Variants in SLC4A7 observed in about 807,000 individuals in gnomAD.
The protein encoded by SLC4A7 is solute carrier family 4 member 7.
A neutral mutation model predicts 137.6 loss-of-function variants in SLC4A7; 51 were observed. The ratio of observed to expected loss-of-function variants is 0.37; its 90% CI spans 0.30 to 0.47. The LOEUF (loss-of-function observed/expected upper bound fraction) is 0.47, where lower values mean the gene tolerates loss of function less well. SLC4A7 is among the 20% of genes least tolerant of loss of function. SLC4A7 has a pLI of 1.00. For missense variants in SLC4A7, 1,247 were observed against 1,525.4 expected (o/e 0.82, Z 3.04); for synonymous variants, 542 against 518.6 (o/e 1.05, Z -0.61).
At position 27,448,763 on chromosome 3, in the gene SLC4A7, C is replaced by T. The variant is rs1338293715; in HGVS notation, c.177G>A (p.Pro59=). 8 of 1,613,004 alleles carry T rather than the reference C, an allele frequency of 5.0e-6. No individual in the cohort carries two copies. Among genetic ancestry groups the T allele is most frequent in the Middle Eastern group, 1.7e-4 (1 of 6,056 alleles). ...HRAVYIGVHV[P]FSKESRRRHR... Reference sequence around the variant, plus strand: ...GACGCCGACGACTCTCTTTACTAAACGGGACGTGAACACCAATATATACAG... The same window carrying T: ...GACGCCGACGACTCTCTTTACTAAATGGGACGTGAACACCAATATATACAG... The change falls in exon 3 of 26, where the codon CCG becomes CCA. Residue 59 remains proline, a synonymous_variant. Coordinates refer to ENST00000454389, the MANE Select transcript of SLC4A7 (RefSeq NM_001321103.2).
intron 1 of SLC4A7, among the ~76,000 whole-genome samples, chr3:27,482,727 G>C (rs1378194933): frequency 6.6e-6 from 1 of 152,124 alleles, no homozygotes; most frequent in Non-Finnish European, 1.5e-5. Context: ...AGCCGAGATC[G>C]CACCACTGCA....
intron 1 of SLC4A7, among the ~76,000 whole-genome samples, chr3:27,456,484 T>TAC (rs1262427146): frequency 1.3e-5 from 2 of 152,214 alleles, no homozygotes; most frequent in Non-Finnish European, 2.9e-5. Context: ...TTTTTAACTT[T>TAC]ACACAAGGAA....
In SLC4A7 at chr3:27,398,201, A is replaced by G. The variant is rs1268935649; in HGVS notation, c.2580T>C (p.Phe860=). The G allele has an allele frequency of 1.2e-6, 2 of 1,607,240 alleles. No homozygotes were observed. The highest frequency in any genetic ancestry group is 2.7e-5 in the African/African-American group (2 of 74,546). ...FLKQFKTKRY[F]PTKVRSTISD... ...ATTATATCACAGTTACCTTGGTAGG[A>G]AAGTAACGCTTGGTCTTAAATTGCT... Residue 860 remains phenylalanine, a synonymous_variant, in exon 17 of 26, where the codon TTT becomes TTC. Transcript: ENST00000454389.
chr3:27,392,623 C>T (rs934523472), intron 20 of SLC4A7, among the ~76,000 whole-genome samples: 3 of 151,992 alleles, frequency 2.0e-5, no homozygotes, highest in East Asian at 1.9e-4. Context: ...GCCATAAGTT[C>T]GAGACCAACC....
In SLC4A7 at chr3:27,424,258, T is replaced by C. The variant is rs779552453; in HGVS notation, c.1151-106A>G. The C allele has an allele frequency of 7.1e-6, 4 of 565,544 alleles. No homozygotes were observed. In the African/African-American group the frequency reaches 7.7e-5, roughly 11 times the overall value. 35.0% of individuals were successfully genotyped at this position (565,544 alleles called of 1,614,324 possible). A position where few individuals can be genotyped will look rare whatever the true frequency, so the allele number is the denominator to read the frequency against. ...GATTTATGAATATTATAAAAGCAAA[T>C]GTGCAAGGTTAAAAAAAATAAGTGC... On this transcript the variant is annotated intron_variant, in intron 7 of 25. Coordinates refer to ENST00000454389, the MANE Select transcript of SLC4A7 (RefSeq NM_001321103.2).
At chr3:27,425,676 CAAAAAAAAAAAAAAA>C (rs59895795) in intron 7 of SLC4A7, among the ~76,000 whole-genome samples, 52 of 61,494 alleles carry the variant, frequency 8.5e-4, no homozygotes, top group African/African-American at 3.2e-3. Context: ...AACTCTGTCT[CAAAAAAAAAAAAAAA>C]AAAAAAAAAA....
At chr3:27,386,208 A>T (rs1306334256) in intron 22 of SLC4A7, among the ~76,000 whole-genome samples, 185 bp from the exon 23 acceptor site, 1 of 151,562 alleles carries the variant, frequency 6.6e-6, no homozygotes, top group African/African-American at 2.4e-5. Flanking sequence ...TGCTAAAAAA[A>T]AAAAAAAAAC....
Position 27,436,374 on chromosome 3 carries a change from C to T in SLC4A7, c.589+14G>A. The T allele has an allele frequency of 6.3e-7, 1 of 1,592,756 alleles. No individual in the cohort carries two copies. The highest frequency in any genetic ancestry group is 8.6e-7 in the Non-Finnish European group (1 of 1,167,374). ...TACACCTTACATATTTTTTAAAAGT[C>T]AGTTTACTATAACCTGCTATTTCAT... On this transcript the variant is annotated intron_variant, in intron 5 of 25. Coordinates refer to ENST00000454389, the MANE Select transcript of SLC4A7 (RefSeq NM_001321103.2).
intron 1 of SLC4A7, among the ~76,000 whole-genome samples, chr3:27,471,637 G>A (rs2059251048): frequency 6.6e-6 from 1 of 152,164 alleles, no homozygotes; most frequent in African/African-American, 2.4e-5. Context: ...CTCCCAAAGT[G>A]CTGAGATTAC....
At chr3:27,423,966 T>G in intron 8 of SLC4A7, 71 bp downstream of exon 8, 1 of 907,664 alleles carries the variant, frequency 1.1e-6, no homozygotes, top group East Asian at 2.5e-5. Flanking sequence ...GTTAATAATA[T>G]TAGCCACAAA....
intron 7 of SLC4A7, among the ~76,000 whole-genome samples, chr3:27,425,536 C>T (rs957411472): frequency 4.0e-5 from 6 of 148,490 alleles, no homozygotes; most frequent in Admixed American, 6.8e-5. Context: ...ATTAGCCTGG[C>T]GTGGTGGAGC....
At chr3:27,430,301 G>GCACACA (rs35445003) in intron 7 of SLC4A7, among the ~76,000 whole-genome samples, 1 of 149,126 alleles carries the variant, frequency 6.7e-6, no homozygotes, top group African/African-American at 2.5e-5. Context: ...TGAACTGCAT[G>GCACACA]CACACACACA....
intron 19 of SLC4A7, 47 bp from the exon 20 acceptor site, chr3:27,394,816 C>T: frequency 1.9e-6 from 3 of 1,583,636 alleles, no homozygotes; most frequent in Non-Finnish European, 2.6e-6. Flanking sequence ...AAATGGTTCC[C>T]TCAATTTAAA....
intron 5 of SLC4A7, among the ~76,000 whole-genome samples, chr3:27,436,004 T>C (rs1185898282): frequency 6.6e-6 from 1 of 152,252 alleles, no homozygotes; most frequent in Non-Finnish European, 1.5e-5. Context: ...GACTTTTCTT[T>C]ACTCTTCCTT....
intron 18 of SLC4A7, among the ~76,000 whole-genome samples, chr3:27,396,999 T>C (rs1360627922): frequency 6.6e-6 from 1 of 152,114 alleles, no homozygotes; most frequent in Non-Finnish European, 1.5e-5. Flanking sequence ...AACTAGACCC[T>C]CTCTGCCACT....
chr3:27,405,569 T>A (rs1376013335), intron 13 of SLC4A7, among the ~76,000 whole-genome samples: 1 of 152,154 alleles, frequency 6.6e-6, no homozygotes, highest in Admixed American at 6.5e-5. Flanking sequence ...AAATAAAAAA[T>A]AGTAAATAAT....
Position 27,372,942 on chromosome 3 carries a change from C to T in SLC4A7, c.*3822G>A, listed in dbSNP as rs1407913811. ...AAAATATCATTGTAATTATAAAAGCCATAAAAATTGGAACTGTATTGTGAA... is the reference window on the plus strand; with the variant it reads ...AAAATATCATTGTAATTATAAAAGCTATAAAAATTGGAACTGTATTGTGAA... On this transcript the variant is annotated 3_prime_UTR_variant, in exon 26 of 26. Coordinates refer to ENST00000454389, the MANE Select transcript of SLC4A7 (RefSeq NM_001321103.2). 1 of 151,790 alleles carries T rather than the reference C, an allele frequency of 6.6e-6. No homozygotes were observed. The highest frequency in any genetic ancestry group is 1.5e-5 in the Non-Finnish European group (1 of 67,878). The allele number at this position is 151,790 out of a possible 1,614,324, so 9.4% of individuals were successfully genotyped here.
intron 2 of SLC4A7, among the ~76,000 whole-genome samples, chr3:27,449,013 A>G (rs2057877961): frequency 6.6e-6 from 1 of 151,990 alleles, no homozygotes; most frequent in Non-Finnish European, 1.5e-5. Flanking sequence ...TCTACAAATC[A>G]CTTATGTAAG....
chr3:27,478,687 GCTTAAAACCGCCAAACTAGGCCAGGCA>G (rs2059575752), intron 1 of SLC4A7, among the ~76,000 whole-genome samples: 3 of 151,694 alleles, frequency 2.0e-5, no homozygotes, highest in Admixed American at 2.0e-4. Flanking sequence ...CTGAAAATCT[GCTTAAAACCGCCAAACTAGGCCAGGCA>G]CAGTGGCTCC....
Sources: gnomAD v4.1 joint callset for allele counts (sites outside exome capture counted in the v4.1 genomes callset) on GRCh38, gnomAD v4.1.1 for gene constraint, MANE v1.5 for transcripts, NCBI Gene and HGNC (gene_info 2026-07-23, HGNC 2026-07-21) for gene names.